TAF4: variants seen among roughly 807,000 people sequenced by gnomAD.
TAF4 encodes the protein transcription initiation factor TFIID subunit 4.
Under a neutral mutation model 90.3 loss-of-function variants are expected in TAF4, and 9 were observed. The observed-to-expected ratio is 0.10, with a 90% CI of 0.06 to 0.17. TAF4 has a LOEUF of 0.17. Ranked by LOEUF, TAF4 falls within the 10% of genes least tolerant of loss-of-function variation. The pLI is 1.00. For synonymous variants in TAF4, 818 were observed against 638.9 expected (o/e 1.28, Z -4.23); for missense variants, 1,351 against 1,370.7 (o/e 0.99, Z 0.23).
At chr20:62,056,276 G>A (rs1005440621) in intron 1 of TAF4, among the ~76,000 whole-genome samples, 2 of 152,052 alleles carry the variant, frequency 1.3e-5, no homozygotes, top group South Asian at 2.1e-4. Flanking sequence ...TATACAAATA[G>A]GCACAGTTGG....
At chr20:62,020,389 G>A (rs901761325) in intron 1 of TAF4, among the ~76,000 whole-genome samples, 2 of 152,246 alleles carry the variant, frequency 1.3e-5, no homozygotes, top group East Asian at 3.8e-4. Context: ...CTGAACAGTC[G>A]CCCCTGCCAG....
chr20:62,045,601 C>T (rs1290563131), intron 1 of TAF4, among the ~76,000 whole-genome samples: 1 of 152,182 alleles, frequency 6.6e-6, no homozygotes, highest in East Asian at 1.9e-4. Context: ...ATCAAATTTT[C>T]TAGGATGAGT....
chr20:62,015,548 C>A (rs1338211292), intron 1 of TAF4, among the ~76,000 whole-genome samples: 1 of 152,194 alleles, frequency 6.6e-6, no homozygotes. Flanking sequence ...GACAGCCCAG[C>A]ACCAAGGAGC....
intron 1 of TAF4, among the ~76,000 whole-genome samples, chr20:62,051,719 C>T (rs1213957644): frequency 6.6e-6 from 1 of 152,182 alleles, no homozygotes; most frequent in Non-Finnish European, 1.5e-5. Context: ...TGGCCCCTGC[C>T]ATGGCACCAC....
intron 14 of TAF4, among the ~76,000 whole-genome samples, chr20:61,992,943 G>T (rs978236282): frequency 1.2e-4 from 19 of 152,010 alleles, no homozygotes; most frequent in Admixed American, 9.8e-4. Context: ...AGATCACAAC[G>T]GTAAAAAATA....
chr20:62,017,226 C>T (rs2055817111), intron 1 of TAF4, among the ~76,000 whole-genome samples: 3 of 152,086 alleles, frequency 2.0e-5, no homozygotes, highest in East Asian at 1.9e-4. Context: ...GGGAATGGGA[C>T]GGAAACAGGA....
intron 1 of TAF4, among the ~76,000 whole-genome samples, chr20:62,062,181 A>G (rs796391666): frequency 1.1e-4 from 17 of 152,354 alleles, no homozygotes; most frequent in African/African-American, 4.1e-4. Flanking sequence ...TAACCAAGCA[A>G]GAGTTATTTT....
At chr20:61,982,575 C>A (rs200091861) in intron 14 of TAF4, among the ~76,000 whole-genome samples, 7 of 144,250 alleles carry the variant, frequency 4.9e-5, no homozygotes, top group Non-Finnish European at 7.6e-5. Context: ...AGAGGAGACA[C>A]CAAACCCACA....
In TAF4 at chr20:62,010,541, CA is replaced by C. The variant is rs2055772732; in HGVS notation, c.1642-377del. On this transcript the variant is annotated intron_variant, in intron 3 of 14. Transcript: ENST00000252996. This position sits in a 1 kb window ranked among gnomAD's most constrained non-coding sequence, Gnocchi z 4.5. The stretch of plus-strand genomic sequence containing the variant: ...CCCCATCTCTCAGAAATCAAAACAA[CA>C]AACAGAAGAACGGCTCCTGAAAGCT... 5.3e-5 allele frequency among the ~76,000 whole-genome samples: 8 copies of C among 152,192 alleles called. No homozygotes were observed. In the South Asian group the frequency reaches 1.7e-3, roughly 32 times the overall value.
chr20:62,017,853 A>C (rs1224400205), intron 1 of TAF4, among the ~76,000 whole-genome samples: 1 of 152,158 alleles, frequency 6.6e-6, no homozygotes, highest in Non-Finnish European at 1.5e-5. Flanking sequence ...GAAAAAAAAA[A>C]GTATCCAGAT....
Position 61,975,293 on chromosome 20 carries a change from C to T in TAF4, c.*875G>A, listed in dbSNP as rs2055486093. ...TATGTCATGTGCCAAAAGTTATGTA[C>T]AATTACTGACAAAATACACCAACCA... On this transcript the variant is annotated 3_prime_UTR_variant, in exon 15 of 15. Coordinates refer to ENST00000252996, the MANE Select transcript of TAF4 (RefSeq NM_003185.4). 1 of 152,176 alleles carries T rather than the reference C, an allele frequency of 6.6e-6. No homozygotes were observed. The highest frequency in any genetic ancestry group is 1.5e-5 in the Non-Finnish European group (1 of 68,012). The allele number at this position is 152,176 out of a possible 1,614,324, so 9.4% of individuals were successfully genotyped here. A position where few individuals can be genotyped will look rare whatever the true frequency, so the allele number is the denominator to read the frequency against.
At chr20:62,023,252 G>T (rs1389164186) in intron 1 of TAF4, among the ~76,000 whole-genome samples, 2 of 152,214 alleles carry the variant, frequency 1.3e-5, no homozygotes, top group Non-Finnish European at 2.9e-5. Flanking sequence ...GACCAGCCAG[G>T]CCAACATGGT....
intron 1 of TAF4, among the ~76,000 whole-genome samples, chr20:62,032,854 A>ACACC (rs2055911841): frequency 6.6e-6 from 1 of 152,118 alleles, no homozygotes; most frequent in Non-Finnish European, 1.5e-5. Flanking sequence ...TGGATGGTAC[A>ACACC]CACCCTCCTA....
At chr20:62,023,268 CCT>C (rs1250826361) in intron 1 of TAF4, among the ~76,000 whole-genome samples, 3 of 152,126 alleles carry the variant, frequency 2.0e-5, no homozygotes, top group East Asian at 1.9e-4. Context: ...ATGGTGAATC[CCT>C]GTCTCTACTA....
At chr20:61,982,192 A>ATACCC (rs2055549552) in intron 14 of TAF4, among the ~76,000 whole-genome samples, 18 of 54,222 alleles carry the variant, frequency 3.3e-4, no homozygotes, top group South Asian at 8.3e-4. Context: ...CACCAAACCC[A>ATACCC]CACCCCACCC....
intron 1 of TAF4, among the ~76,000 whole-genome samples, chr20:62,021,958 A>G (rs1348788036): frequency 6.6e-6 from 1 of 152,096 alleles, no homozygotes; most frequent in African/African-American, 2.4e-5. Flanking sequence ...AAAGCCCGGG[A>G]GGGCGCTCCG....
In TAF4 at chr20:62,003,747, C is replaced by T. The variant is rs1461780472; in HGVS notation, c.2355G>A (p.Leu785=). The T allele has an allele frequency of 6.2e-7, 1 of 1,601,010 alleles. No individual in the cohort carries two copies. The highest frequency in any genetic ancestry group is 8.5e-7 in the Non-Finnish European group (1 of 1,177,010). Reference sequence around the variant, plus strand: ...GGCCCTCACCTGGCTGCAGTGGGTTCAGCTGGATCTGCTGAGGCGTGGTGA... The same window carrying T: ...GGCCCTCACCTGGCTGCAGTGGGTTTAGCTGGATCTGCTGAGGCGTGGTGA... ...IMLTTPQQIQ[L]NPLQPVPVVK... Residue 785 remains leucine (L), a synonymous_variant, in exon 8 of 15, where the codon CTG becomes CTA. Coordinates refer to ENST00000252996, the MANE Select transcript of TAF4 (RefSeq NM_003185.4).
chr20:61,987,816 G>C (rs1489801238), intron 14 of TAF4, among the ~76,000 whole-genome samples: 1 of 152,210 alleles, frequency 6.6e-6, no homozygotes, highest in African/African-American at 2.4e-5. Flanking sequence ...CTTGCAAGCA[G>C]CCACGATGTG....
intron 14 of TAF4, among the ~76,000 whole-genome samples, chr20:61,990,786 GCA>G (rs2055626687): frequency 6.6e-6 from 1 of 152,176 alleles, no homozygotes; most frequent in Non-Finnish European, 1.5e-5. Flanking sequence ...CTTGGGAGGT[GCA>G]CAGAGCCCCG....
Sources: gnomAD v4.1 joint callset for allele counts (sites outside exome capture counted in the v4.1 genomes callset) on GRCh38, gnomAD v4.1.1 for gene constraint, Gnocchi (gnomAD v3.1) non-coding constraint, MANE v1.5 for transcripts, NCBI Gene and HGNC (gene_info 2026-07-23, HGNC 2026-07-21) for gene names.